CCDC77: variants seen among roughly 807,000 people sequenced by gnomAD.
CCDC77 encodes coiled-coil domain containing 77, also known as coiled-coil domain-containing protein 77.
CCDC77 carries 56 observed loss-of-function variants against 66.8 expected under a neutral mutation model. The ratio of observed to expected loss-of-function variants is 0.84; its 90% confidence interval spans 0.68 to 1.05. CCDC77 has a LOEUF of 1.05. CCDC77 is among the 50% of genes least tolerant of loss of function. The pLI, the probability that CCDC77 is intolerant of heterozygous loss-of-function variation, is 0.00. For synonymous variants in CCDC77, 196 were observed against 195.2 expected (o/e 1.00, Z -0.03); for missense variants, 570 against 576.8 (o/e 0.99, Z 0.12).
rs1945112521 is a variant in CCDC77 at position 411,614 on chromosome 12, G to C, written c.39-133G>C. ...ATTACAGGCATGAGCCACTATGCCT[G>C]TCCAAACTTCCAAATTTATGAGCAC... is the stretch of plus-strand genomic sequence containing the variant. On this transcript the variant is annotated intron_variant, in intron 3 of 12. Transcript: ENST00000239830. The C allele has an allele frequency of 5.5e-6, 4 of 732,352 alleles. No individual in the cohort carries two copies. The Admixed American group carries it at 1.2e-4, about 21-fold the overall frequency. The allele number at this position is 732,352 out of a possible 1,614,324, so 45.4% of individuals were successfully genotyped here.
chr12:430,815 A>C, intron 7 of CCDC77, 79 bp downstream of exon 7: 12 of 1,157,014 alleles, frequency 1.0e-5, no homozygotes, highest in Non-Finnish European at 1.6e-5. Flanking sequence ...GCGGTGGCTC[A>C]CGCCTGTAAT....
rs139334337 is a variant in CCDC77, at chr12:423,114, C to CTTTTTTTTTT, written c.413+4493_413+4502dup. Among the ~76,000 whole-genome samples the CTTTTTTTTTT allele has an allele frequency of 1.7e-3, 128 of 74,564 alleles. 1 individual carries two copies. Among genetic ancestry groups the CTTTTTTTTTT allele is most frequent in the Non-Finnish European group, 2.5e-3 (107 of 43,074 alleles). 48.9% of individuals were successfully genotyped at this position (74,564 alleles called of 152,430 possible). A position where few individuals can be genotyped will look rare whatever the true frequency, so the allele number is the denominator to read the frequency against. The stretch of plus-strand genomic sequence containing the variant: ...ATTTTCTTTTTTTTTTCTTTTAAGC[C>CTTTTTTTTTT]TTTTTTTTTTTTTTTTTTTTTTTTG... On this transcript the variant is annotated intron_variant, in intron 5 of 12. Coordinates refer to ENST00000239830, the MANE Select transcript of CCDC77 (RefSeq NM_032358.4).
intron 4 of CCDC77, among the ~76,000 whole-genome samples, chr12:415,753 C>T (rs994180961): frequency 6.6e-6 from 1 of 151,950 alleles, no homozygotes. Context: ...CTGCCTCAGC[C>T]TCCCAAGTAG....
intron 8 of CCDC77, among the ~76,000 whole-genome samples, chr12:432,486 C>T (rs1945672530): frequency 6.6e-6 from 1 of 152,158 alleles, no homozygotes; most frequent in South Asian, 2.1e-4. Flanking sequence ...CATGTGGAGT[C>T]ATGACAACCA....
chr12:428,033 T>G (rs1286947673), intron 5 of CCDC77, among the ~76,000 whole-genome samples: 2 of 152,124 alleles, frequency 1.3e-5, no homozygotes, highest in Admixed American at 6.6e-5. Flanking sequence ...GACCAGGCAC[T>G]GGATATGGGC....
intron 4 of CCDC77, among the ~76,000 whole-genome samples, chr12:413,809 G>A (rs7136116): frequency 6.6e-6 from 1 of 150,938 alleles, no homozygotes; most frequent in African/African-American, 2.5e-5. Context: ...TTGTATTTTA[G>A]TAGAGGCAGG....
intron 4 of CCDC77, 135 bp downstream of exon 4, chr12:412,113 G>A (rs1215749785): frequency 7.4e-6 from 5 of 676,118 alleles, no homozygotes; most frequent in South Asian, 2.0e-5. Flanking sequence ...CCCAGCTATT[G>A]CCCCTTCAGG....
At chr12:411,021 T>A (rs1379851163) in intron 3 of CCDC77, among the ~76,000 whole-genome samples, 2 of 151,514 alleles carry the variant, frequency 1.3e-5, no homozygotes, top group Non-Finnish European at 2.9e-5. Flanking sequence ...CAAGCGATCC[T>A]CCCACCTCAG....
At chr12:414,869 T>C (rs1027437901) in intron 4 of CCDC77, among the ~76,000 whole-genome samples, 16 of 152,166 alleles carry the variant, frequency 1.1e-4, no homozygotes, top group Non-Finnish European at 1.3e-4. Context: ...TGTGACGGTG[T>C]CCTCCTTGCC....
At chr12:390,375 T>G (rs1944734096) in intron 1 of CCDC77, among the ~76,000 whole-genome samples, 2 of 152,308 alleles carry the variant, frequency 1.3e-5, no homozygotes, top group African/African-American at 4.8e-5. Context: ...TAATTGCTGA[T>G]TTGCTGCTTT....
At chr12:429,349 T>G (rs567059603) in intron 6 of CCDC77, among the ~76,000 whole-genome samples, 5 of 151,808 alleles carry the variant, frequency 3.3e-5, no homozygotes, top group Non-Finnish European at 7.4e-5. Context: ...GAAATAGTTA[T>G]GTGTCTGTGT....
chr12:392,000 A>C (rs1457909754), intron 1 of CCDC77, among the ~76,000 whole-genome samples: 2 of 152,190 alleles, frequency 1.3e-5, no homozygotes, highest in Admixed American at 6.5e-5. Flanking sequence ...TTTGAAAATC[A>C]CTGTTGTAAA....
In CCDC77 at chr12:411,812, A is replaced by G. The variant is rs1945116987; in HGVS notation, c.104A>G (p.Asp35Gly). ...SGPTKRRGMA[D>G]SLESTPLPSP... ...CCCACCAAGAGGAGGGGAATGGCAG[A>G]TTCACTGGAGTCAACCCCCTTGCCT... Residue 35 changes from aspartate to glycine, a missense_variant, in exon 4 of 13, where the codon GAT becomes GGT. By Grantham distance (94) the Asp-to-Gly change is moderately conservative. Transcript: ENST00000239830. 1.2e-6 allele frequency: 2 copies of G among 1,614,116 alleles called. No homozygotes were observed. Among genetic ancestry groups the G allele is most frequent in the African/African-American group, 2.7e-5 (2 of 75,032 alleles).
Position 411,799 on chromosome 12 carries a change from A to C in CCDC77, c.91A>C (p.Arg31=), listed in dbSNP as rs370744667. 1.2e-6 allele frequency: 2 copies of C among 1,613,978 alleles called. No homozygotes were observed. Among genetic ancestry groups the C allele is most frequent in the Admixed American group, 1.7e-5 (1 of 59,976 alleles). The part of the protein sequence containing the change: ...GVAVSGPTKR[R]GMADSLESTP... ...TGCCGTCAGTGGTCCCACCAAGAGG[A>C]GGGGAATGGCAGATTCACTGGAGTC... Residue 31 remains arginine, a synonymous_variant, in exon 4 of 13, where the codon AGG becomes CGG. Coordinates refer to ENST00000239830, the MANE Select transcript of CCDC77 (RefSeq NM_032358.4).
intron 3 of CCDC77, chr12:409,743 C>T (rs890335959): frequency 1.0e-5 from 2 of 199,912 alleles, no homozygotes; most frequent in Non-Finnish European, 2.0e-5. Context: ...CTCCTGTAAT[C>T]CCAGCACTTT....
At chr12:424,571 C>T (rs1046884084) in intron 5 of CCDC77, among the ~76,000 whole-genome samples, 1 of 151,832 alleles carries the variant, frequency 6.6e-6, no homozygotes, top group African/African-American at 2.4e-5. Context: ...TCAAGTGATC[C>T]TCCTGCTTCA....
At chr12:436,731 A>G in intron 9 of CCDC77, 2 of 977,196 alleles carry the variant, frequency 2.0e-6, no homozygotes, top group African/African-American at 3.5e-5. Flanking sequence ...TTCCTTGTTT[A>G]GCGTTATCTG....
intron 5 of CCDC77, among the ~76,000 whole-genome samples, chr12:425,912 T>G (rs1173001090): frequency 6.6e-6 from 1 of 152,224 alleles, no homozygotes. Context: ...TCACCCAGGC[T>G]GGAGTGCAGT....
chr12:438,090 C>T (rs555201492), intron 9 of CCDC77, among the ~76,000 whole-genome samples: 5 of 152,084 alleles, frequency 3.3e-5, no homozygotes, highest in Admixed American at 6.6e-5. Context: ...ATCTGAAGTT[C>T]GCACTCAGGA....
Sources: gnomAD v4.1 joint callset for allele counts (sites outside exome capture counted in the v4.1 genomes callset) on GRCh38, gnomAD v4.1.1 for gene constraint, MANE v1.5 for transcripts, NCBI Gene and HGNC (gene_info 2026-07-23, HGNC 2026-07-21) for gene names.